The following B3GAT3 variants were observed in gnomAD, a reference collection of about 807,000 sequenced individuals.
B3GAT3 encodes the protein beta-1,3-glucuronyltransferase 3, also known as galactosylgalactosylxylosylprotein 3-beta-glucuronosyltransferase 3.
B3GAT3 carries 19 observed loss-of-function variants against 33.1 expected under a neutral mutation model. That is an observed-to-expected ratio of 0.57 (90% CI 0.40 to 0.84). B3GAT3 has a LOEUF of 0.84. B3GAT3 is among the 40% of genes least tolerant of loss of function. The probability of loss-of-function intolerance (pLI) is 0.00; values close to 1 mark genes in which losing one functional copy is unlikely to be tolerated. For missense variants in B3GAT3, 344 were observed against 441.5 expected (o/e 0.78, Z 1.98); for synonymous variants, 167 against 193.5 (o/e 0.86, Z 1.14).
rs1416362568 is a variant in B3GAT3 at position 62,617,357 on chromosome 11, A to T, written c.258-10T>A. ...TGCCTTCTGTACCAGCCTGCAGGGG[A>T]GAGATGCAGCACAAGGAAAAGGGGC... On this transcript the variant is annotated splice_polypyrimidine_tract_variant and intron_variant, in intron 2 of 4. Transcript: ENST00000265471. The T allele has an allele frequency of 2.5e-6, 4 of 1,610,528 alleles. No individual in the cohort carries two copies. Among genetic ancestry groups the T allele is most frequent in the Non-Finnish European group, 3.4e-6 (4 of 1,179,882 alleles).
chr11:62,618,619 G>A (rs574756058), intron 2 of B3GAT3, among the ~76,000 whole-genome samples: 54 of 147,912 alleles, frequency 3.7e-4, no homozygotes, highest in Admixed American at 1.8e-3. Flanking sequence ...CCAAGATCAC[G>A]CCATTGCACC....
chr11:62,621,214 G>T (rs1458617683), intron 1 of B3GAT3: 1 of 456,440 alleles, frequency 2.2e-6, no homozygotes, highest in Non-Finnish European at 4.4e-6. Context: ...ACTGCCTTAG[G>T]TGCTGGGGAT....
intron 2 of B3GAT3, among the ~76,000 whole-genome samples, chr11:62,619,390 C>A (rs952012062): frequency 6.6e-6 from 1 of 151,978 alleles, no homozygotes; most frequent in African/African-American, 2.4e-5. Flanking sequence ...ACCACATTCC[C>A]CAATTGGTTT....
At chr11:62,620,314 C>T (rs550719049) in intron 2 of B3GAT3, among the ~76,000 whole-genome samples, 183 bp downstream of exon 2, 1 of 152,350 alleles carries the variant, frequency 6.6e-6, no homozygotes, top group Admixed American at 6.5e-5. Flanking sequence ...TGAGCCACCA[C>T]ACCCAGCCTG....
At chr11:62,617,515 G>T in intron 2 of B3GAT3, 168 bp from the exon 3 acceptor site, 1 of 876,690 alleles carries the variant, frequency 1.1e-6, no homozygotes, top group Non-Finnish European at 1.8e-6. Context: ...ACACTCACCT[G>T]CCCTGTTCTT....
chr11:62,616,935 G>A (rs1943041295), intron 3 of B3GAT3, 52 bp downstream of exon 3: 8 of 1,613,680 alleles, frequency 5.0e-6, no homozygotes, highest in East Asian at 2.2e-5. Flanking sequence ...CCAAGGTAAC[G>A]AATGAAGCTG....
rs1480876298 is a variant in B3GAT3 at position 62,615,690 on chromosome 11, T to C, written c.*11A>G. 2 of 1,612,036 alleles carry C rather than the reference T, an allele frequency of 1.2e-6. No individual in the cohort carries two copies. The highest frequency in any genetic ancestry group is 1.7e-6 in the Non-Finnish European group (2 of 1,179,596). ...GCCTGAAAAGAGGTGGTAGTTGGGG[T>C]GGGGCCGCCATCACACCTCAATTGC... On this transcript the variant is annotated 3_prime_UTR_variant, in exon 5 of 5. Coordinates refer to ENST00000265471, the MANE Select transcript of B3GAT3 (RefSeq NM_012200.4).
intron 2 of B3GAT3, among the ~76,000 whole-genome samples, chr11:62,619,724 T>G (rs796747299): frequency 2.7e-3 from 365 of 137,118 alleles, no homozygotes; most frequent in African/African-American, 9.4e-3. Flanking sequence ...TTTTTTTTTT[T>G]CAGAGACAAG....
intron 2 of B3GAT3, among the ~76,000 whole-genome samples, chr11:62,618,489 C>T (rs1465712403): frequency 6.6e-6 from 1 of 151,074 alleles, no homozygotes; most frequent in African/African-American, 2.4e-5. Context: ...GGTGAAACCC[C>T]ATCTCTACTA....
intron 2 of B3GAT3, among the ~76,000 whole-genome samples, chr11:62,617,941 C>T (rs1458791033): frequency 2.6e-5 from 4 of 151,290 alleles, no homozygotes; most frequent in African/African-American, 7.3e-5. Context: ...TTTAGGAGGC[C>T]GAGGTGGGCG....
At position 62,615,723 on chromosome 11, in the gene B3GAT3, G is replaced by C. The variant is rs2134426262; in HGVS notation, c.986C>G (p.Ser329Ter). The change falls in exon 5 of 5, where the codon TCA becomes TGA. Residue 329 changes from serine (S) to a stop codon, truncating the protein, a stop_gained. Transcript: ENST00000265471. LOFTEE classifies it high-confidence loss of function. Reference protein sequence around the residue: ...EEQLQRQGRGSDPAIEV With the variant: ...EEQLQRQGRG The stretch of plus-strand genomic sequence containing the variant: ...CCATCACACCTCAATTGCTGGGTCT[G>C]AGCCCCGGCCCTGCCGCTGCAGCTG... 1 of 1,613,844 alleles carries C rather than the reference G, an allele frequency of 6.2e-7. No homozygotes were observed. The highest frequency in any genetic ancestry group is 1.1e-5 in the South Asian group (1 of 91,024).
At chr11:62,618,218 C>T (rs1489960829) in intron 2 of B3GAT3, among the ~76,000 whole-genome samples, 1 of 142,408 alleles carries the variant, frequency 7.0e-6, no homozygotes, top group African/African-American at 2.6e-5. Flanking sequence ...ATTAAGGGCA[C>T]AGGCTTTGGG....
chr11:62,616,749 G>A lies in B3GAT3; in HGVS notation c.666C>T (p.Gly222=), dbSNP rs752300927. ...GVSVWPVGLV[G]GLRFEGPQVQ... The stretch of plus-strand genomic sequence containing the variant: ...CCTGAGGGCCCTCGAATCGCAGGCC[G>A]CCCACCAGCCCCACAGGCCACACTG... The change falls in exon 4 of 5, where the codon GGC becomes GGT. Residue 222 remains glycine (G), a synonymous_variant. Coordinates refer to ENST00000265471, the MANE Select transcript of B3GAT3 (RefSeq NM_012200.4). 1.4e-5 allele frequency: 22 copies of A among 1,613,688 alleles called. No individual in the cohort carries two copies. The highest frequency in any genetic ancestry group is 1.7e-5 in the Admixed American group (1 of 59,962).
At chr11:62,620,916 C>A (rs1319039853) in intron 1 of B3GAT3, 3 of 577,134 alleles carry the variant, frequency 5.2e-6, no homozygotes, top group South Asian at 3.9e-5. Flanking sequence ...CTGATTCCAT[C>A]TTTTCTACCT....
rs1475294226 is a variant in B3GAT3 at position 62,620,681 on chromosome 11, G to A, written c.83-10C>T. 1 of 1,608,572 alleles carries A rather than the reference G, an allele frequency of 6.2e-7. No homozygotes were observed. Among genetic ancestry groups the A allele is most frequent in the Admixed American group, 1.7e-5 (1 of 59,580 alleles). On this transcript the variant is annotated splice_polypyrimidine_tract_variant and intron_variant, in intron 1 of 4. Transcript: ENST00000265471. The stretch of plus-strand genomic sequence containing the variant: ...CAGTCACATGGCTGGCCTGGTCCCA[G>A]GAAGCATTAATGGGGAAAGAAGGTG...
At position 62,616,244 on chromosome 11, in the gene B3GAT3, A is replaced by C. The variant is rs760871383; in HGVS notation, c.909+262T>G. On this transcript the variant is annotated intron_variant, in intron 4 of 4. Transcript: ENST00000265471. ...GGGTGACACAGCGAGACTCTGTCTG[A>C]AAAAAAAAAAAAAACAACAAACAGG... The C allele has an allele frequency of 0.13, 37,349 of 278,028 alleles. 37 individuals are homozygous for C. Among genetic ancestry groups the C allele is most frequent in the South Asian group, 0.25 (4,675 of 18,496 alleles). 17.2% of individuals were successfully genotyped at this position (278,028 alleles called of 1,614,324 possible). A position where few individuals can be genotyped will look rare whatever the true frequency, so the allele number is the denominator to read the frequency against.
chr11:62,619,151 G>C (rs1286629321), intron 2 of B3GAT3, among the ~76,000 whole-genome samples: 3 of 143,794 alleles, frequency 2.1e-5, no homozygotes, highest in Non-Finnish European at 3.0e-5. Context: ...ACTCCATCTC[G>C]GTGTTGCGGG....
At chr11:62,619,534 G>A (rs1053813819) in intron 2 of B3GAT3, among the ~76,000 whole-genome samples, 4 of 151,808 alleles carry the variant, frequency 2.6e-5, no homozygotes, top group Non-Finnish European at 5.9e-5. Flanking sequence ...ATGACTATCA[G>A]GCCAAGCACT....
chr11:62,617,274 C>T lies in B3GAT3; in HGVS notation c.331G>A (p.Val111Met), dbSNP rs1085307917. The change falls in exon 3 of 5, where the codon GTG (valine) becomes ATG (methionine). Residue 111 changes from valine (V) to methionine (M), a missense_variant. Transcript: ENST00000265471. ...SLVPRLHWLL[V>M]EDAEGPTPLV... ...GGGGTGGGACCCTCAGCATCCTCCA[C>T]CAGCAGCCAATGCAGCCGGGGCACC... The T allele has an allele frequency of 2.5e-6, 4 of 1,613,216 alleles. No homozygotes were observed. Among genetic ancestry groups the T allele is most frequent in the Non-Finnish European group, 2.5e-6 (3 of 1,179,970 alleles).
Sources: gnomAD v4.1 joint callset for allele counts (sites outside exome capture counted in the v4.1 genomes callset) on GRCh38, gnomAD v4.1.1 for gene constraint, MANE v1.5 for transcripts, NCBI Gene and HGNC (gene_info 2026-07-23, HGNC 2026-07-21) for gene names.